KMT2C: variants seen among roughly 807,000 people sequenced by gnomAD.
The protein encoded by KMT2C is histone-lysine N-methyltransferase 2C.
Under a neutral mutation model 507.9 loss-of-function variants are expected in KMT2C, and 88 were observed. The observed-to-expected ratio is 0.17, with a 90% CI of 0.15 to 0.21. The LOEUF (loss-of-function observed/expected upper bound fraction) is 0.21, where lower values mean the gene tolerates loss of function less well. KMT2C is among the 10% of genes least tolerant of loss of function. KMT2C has a pLI of 1.00. For missense variants in KMT2C, 4,954 were observed against 5,957.8 expected (o/e 0.83, Z 5.55); for synonymous variants, 2,049 against 2,080.8 (o/e 0.98, Z 0.42).
Position 152,148,793 on chromosome 7 carries a change from T to C in KMT2C, c.13134A>G (p.Glu4378=), listed in dbSNP as rs1458480191. ...KGTFKPPCED[E]IDEFLKKLGT... is the part of the protein sequence containing the mutation. ...CCAATTTCTTTAGAAATTCATCTAT[T>C]TCATCCTCACAAGGTGGTTTAAATG... is the stretch of plus-strand genomic sequence containing the variant. Residue 4378 remains glutamate, a synonymous_variant, in exon 52 of 59, where the codon GAA becomes GAG. Transcript: ENST00000262189. The surrounding 1 kb of genome is among the most constrained non-coding windows in gnomAD (Gnocchi z 7.1). The C allele has an allele frequency of 6.2e-7, 1 of 1,614,102 alleles. No individual in the cohort carries two copies. Among genetic ancestry groups the C allele is most frequent in the African/African-American group, 1.3e-5 (1 of 74,930 alleles).
In KMT2C at chr7:152,264,964, A is replaced by G. The variant is rs1177404612; in HGVS notation, c.1184+74T>C. 4 of 1,529,114 alleles carry G rather than the reference A, an allele frequency of 2.6e-6. No homozygotes were observed. The Admixed American group carries it at 8.2e-5, about 31-fold the overall frequency. 94.7% of individuals were successfully genotyped at this position (1,529,114 alleles called of 1,614,324 possible). The stretch of plus-strand genomic sequence containing the variant: ...ATATGAACAACCTCTATTATATTAC[A>G]CAAACCTTTAGCACCTAGTAATAGG... On this transcript the variant is annotated intron_variant, in intron 8 of 58. Coordinates refer to ENST00000262189, the MANE Select transcript of KMT2C (RefSeq NM_170606.3).
At chr7:152,298,445 C>T (rs1051208099) in intron 6 of KMT2C, among the ~76,000 whole-genome samples, 32 of 152,118 alleles carry the variant, frequency 2.1e-4, no homozygotes, top group African/African-American at 9.7e-5. Flanking sequence ...ATAAGAACAA[C>T]ATCAGATTTC....
At chr7:152,261,923 C>T (rs1231224780) in intron 9 of KMT2C, among the ~76,000 whole-genome samples, 1 of 151,936 alleles carries the variant, frequency 6.6e-6, no homozygotes, top group Non-Finnish European at 1.5e-5. Context: ...CCTCAGACCC[C>T]ACTTCCCAGG....
intron 1 of KMT2C, among the ~76,000 whole-genome samples, chr7:152,378,407 A>C (rs2097345466): frequency 6.6e-6 from 1 of 152,262 alleles, no homozygotes. Context: ...AAATCTTACA[A>C]TTTACTGAAA....
chr7:152,432,663 A>G (rs2097874014), intron 1 of KMT2C, among the ~76,000 whole-genome samples: 1 of 152,234 alleles, frequency 6.6e-6, no homozygotes, highest in African/African-American at 2.4e-5. Flanking sequence ...TAGTTAATGT[A>G]AAAGCAGTAA....
chr7:152,190,061 T>C (rs991820414), intron 31 of KMT2C, among the ~76,000 whole-genome samples: 5 of 152,174 alleles, frequency 3.3e-5, no homozygotes, highest in African/African-American at 1.2e-4. Context: ...TGCGAGCATG[T>C]TCCTATGAGA....
chr7:152,237,985 A>C (rs1207933573), intron 15 of KMT2C, among the ~76,000 whole-genome samples: 3 of 152,306 alleles, frequency 2.0e-5, no homozygotes, highest in African/African-American at 7.2e-5. Context: ...TTATACCTCA[A>C]TATCTTGGAT....
At chr7:152,234,506 C>T (rs1277922624) in intron 16 of KMT2C, among the ~76,000 whole-genome samples, 1 of 152,136 alleles carries the variant, frequency 6.6e-6, no homozygotes, top group Non-Finnish European at 1.5e-5. Flanking sequence ...CACTACTACA[C>T]AACTTTTCCA....
chr7:152,209,607 T>C (rs933414636), intron 23 of KMT2C, among the ~76,000 whole-genome samples: 9 of 151,964 alleles, frequency 5.9e-5, no homozygotes, highest in African/African-American at 1.7e-4. Flanking sequence ...CATGGTGGCA[T>C]GCCGGTAATC....
At chr7:152,264,989 G>A (rs2129173296) in intron 8 of KMT2C, 49 bp downstream of exon 8, 1 of 1,607,478 alleles carries the variant, frequency 6.2e-7, no homozygotes, top group East Asian at 2.2e-5. Flanking sequence ...CTAGTAATAG[G>A]GTCCCTCTTA....
rs768346682 is a variant in KMT2C at position 152,163,263 on chromosome 7, G to A, written c.10314C>T (p.Gly3438=). 9 of 1,614,120 alleles carry A rather than the reference G, an allele frequency of 5.6e-6. No homozygotes were observed. In the Admixed American group the frequency reaches 1.5e-4, roughly 27 times the overall value. Reference sequence around the variant, plus strand: ...ATGTCCTACTACTACTTATCTCAGAGCCCACCATACCATGCTGCTCCATTT... The same window carrying A: ...ATGTCCTACTACTACTTATCTCAGAACCCACCATACCATGCTGCTCCATTT... ...RMEMEQHGMV[G]SEISSSRTSV... Residue 3438 remains glycine (G), a synonymous_variant, in exon 43 of 59, where the codon GGC becomes GGT. Coordinates refer to ENST00000262189, the MANE Select transcript of KMT2C (RefSeq NM_170606.3).
intron 23 of KMT2C, among the ~76,000 whole-genome samples, chr7:152,213,425 A>G (rs1247011627): frequency 6.6e-6 from 1 of 152,178 alleles, no homozygotes; most frequent in Non-Finnish European, 1.5e-5. Flanking sequence ...ATATATTATG[A>G]GCTAATTTTT....
In KMT2C at chr7:152,315,152, T is replaced by C. The variant is rs903269951; in HGVS notation, c.576A>G (p.Gln192=). ...EKMQNSAPRK[Q]RGQRKERSPQ... ...AAACTGCTTACTTTCTCTGTCCTCTTTGTTTTCGTGGTGCTGAGTTTTGCA... is the reference window on the plus strand; with the variant it reads ...AAACTGCTTACTTTCTCTGTCCTCTCTGTTTTCGTGGTGCTGAGTTTTGCA... Residue 192 remains glutamine, a synonymous_variant, in exon 4 of 59, where the codon CAA becomes CAG. Transcript: ENST00000262189. 1.9e-6 allele frequency: 3 copies of C among 1,613,992 alleles called. No homozygotes were observed. The highest frequency in any genetic ancestry group is 2.5e-6 in the Non-Finnish European group (3 of 1,179,918).
At chr7:152,265,768 T>C (rs2095849697) in intron 7 of KMT2C, among the ~76,000 whole-genome samples, 1 of 152,020 alleles carries the variant, frequency 6.6e-6, no homozygotes, top group Admixed American at 6.6e-5. Flanking sequence ...GGAAGAACAT[T>C]AAAGACAGAA....
At chr7:152,160,190 TA>T (rs1338369387) in intron 43 of KMT2C, among the ~76,000 whole-genome samples, 6 of 152,310 alleles carry the variant, frequency 3.9e-5, no homozygotes, top group African/African-American at 1.4e-4. Flanking sequence ...TTTAAAAATG[TA>T]AAAGCCATTT....
rs2090227882 is a variant in KMT2C at position 152,139,168 on chromosome 7, G to A, written c.14534+18C>T. 2 of 1,613,044 alleles carry A rather than the reference G, an allele frequency of 1.2e-6. No individual in the cohort carries two copies. The highest frequency in any genetic ancestry group is 1.3e-5 in the African/African-American group (1 of 74,902). ...CCACAAGCAAAAGCACTCCCCGTCAGGTTCCTCGCTGTCTCACCTTGCGGG... is the reference window on the plus strand; with the variant it reads ...CCACAAGCAAAAGCACTCCCCGTCAAGTTCCTCGCTGTCTCACCTTGCGGG... On this transcript the variant is annotated intron_variant, in intron 57 of 58. Coordinates refer to ENST00000262189, the MANE Select transcript of KMT2C (RefSeq NM_170606.3).
intron 25 of KMT2C, among the ~76,000 whole-genome samples, chr7:152,204,362 A>C (rs1318430027): frequency 1.3e-5 from 2 of 152,182 alleles, no homozygotes; most frequent in Non-Finnish European, 2.9e-5. Context: ...TGGGAGGCTG[A>C]GGCAGGAGGA....
rs577132934 is a variant in KMT2C, at chr7:152,159,697, T to C, written c.11461-625A>G. On this transcript the variant is annotated intron_variant, in intron 43 of 58. Transcript: ENST00000262189. ...AACGTAGATGATAACAAATAAACCT[T>C]TTCTTTATTTTTATCATTACAAAGT... Among the ~76,000 whole-genome samples the C allele has an allele frequency of 6.6e-5, 10 of 152,318 alleles. No individual in the cohort carries two copies. The South Asian group carries it at 1.7e-3, about 25-fold the overall frequency.
At chr7:152,187,531 T>C in intron 32 of KMT2C, 55 bp from the exon 33 acceptor site, 3 of 1,499,004 alleles carry the variant, frequency 2.0e-6, no homozygotes, top group South Asian at 1.2e-5. Flanking sequence ...TCTTAATATA[T>C]GTTCAAGTAT....
Sources: allele counts gnomAD v4.1 joint callset (sites outside exome capture counted in the v4.1 genomes callset), GRCh38; gene constraint gnomAD v4.1.1; non-coding constraint Gnocchi (gnomAD v3.1); transcripts MANE v1.5; gene names NCBI Gene and HGNC (gene_info 2026-07-23, HGNC 2026-07-21).